NFIC: variants seen among roughly 807,000 people sequenced by gnomAD.
NFIC encodes the protein nuclear factor 1 C-type.
A neutral mutation model predicts 54.4 loss-of-function variants in NFIC; 12 were observed. The observed-to-expected ratio is 0.22, with a 90% CI of 0.14 to 0.36. NFIC has a LOEUF of 0.36. NFIC is among the 10% of genes least tolerant of loss of function. NFIC has a pLI of 1.00. For missense variants in NFIC, 575 were observed against 718.2 expected (o/e 0.80, Z 2.28); for synonymous variants, 322 against 319.2 (o/e 1.01, Z -0.09).
At chr19:3,417,011 G>A (rs1286130208) in intron 2 of NFIC, among the ~76,000 whole-genome samples, 2 of 151,862 alleles carry the variant, frequency 1.3e-5, no homozygotes, top group Non-Finnish European at 2.9e-5. Flanking sequence ...AGCCTCCGGA[G>A]CAGCTGGGAC....
At chr19:3,400,173 G>C in intron 2 of NFIC, among the ~76,000 whole-genome samples, 1 of 151,824 alleles carries the variant, frequency 6.6e-6, no homozygotes, top group East Asian at 1.9e-4. Flanking sequence ...CAGTGAACAG[G>C]ACAGATAAAA....
At chr19:3,407,743 C>T (rs568223196) in intron 2 of NFIC, among the ~76,000 whole-genome samples, 2 of 152,294 alleles carry the variant, frequency 1.3e-5, no homozygotes, top group African/African-American at 2.4e-5. Flanking sequence ...TGAACTTTCA[C>T]ATATTTGTAG....
intron 2 of NFIC, 116 bp from the exon 3 acceptor site, chr19:3,424,990 G>C: frequency 1.9e-6 from 2 of 1,071,152 alleles, no homozygotes; most frequent in South Asian, 3.0e-5. Flanking sequence ...TGGGGCCACT[G>C]TTTGTCTCCA....
chr19:3,421,675 C>T (rs908810373), intron 2 of NFIC, among the ~76,000 whole-genome samples: 2 of 152,216 alleles, frequency 1.3e-5, no homozygotes, highest in African/African-American at 2.4e-5. Context: ...GCTGGACACA[C>T]GGTGTGTGCA....
At chr19:3,387,359 G>A (rs945789630) in intron 2 of NFIC, among the ~76,000 whole-genome samples, 29 of 152,118 alleles carry the variant, frequency 1.9e-4, no homozygotes, top group African/African-American at 6.3e-4. Context: ...AAAATTAGCC[G>A]GGCGTGGTGG....
rs1263069986 is a variant in NFIC at position 3,370,688 on chromosome 19, C to G, written c.30+4022C>G. Reference sequence around the variant, plus strand: ...CTCCCTCTCTGTTCCTCTTCTTTCTCTCTGTCTGTCTCTTTCTTTCTCCCT... The same window carrying G: ...CTCCCTCTCTGTTCCTCTTCTTTCTGTCTGTCTGTCTCTTTCTTTCTCCCT... On this transcript the variant is annotated intron_variant, in intron 1 of 10. Transcript: ENST00000443272. This position sits in a 1 kb window ranked among gnomAD's most constrained non-coding sequence, Gnocchi z 5.2. Among the ~76,000 whole-genome samples the G allele has an allele frequency of 4.1e-5, 2 of 48,584 alleles. No homozygotes were observed. The highest frequency in any genetic ancestry group is 1.6e-4 in the African/African-American group (2 of 12,264). 31.9% of individuals were successfully genotyped at this position (48,584 alleles called of 152,430 possible). A position where few individuals can be genotyped will look rare whatever the true frequency, so the allele number is the denominator to read the frequency against.
At position 3,458,677 on chromosome 19, in the gene NFIC, C is replaced by T. The variant is rs142085178; in HGVS notation, c.1509+2042C>T. Among the ~76,000 whole-genome samples the T allele has an allele frequency of 3.6e-4, 38 of 104,398 alleles. No homozygotes were observed. Among genetic ancestry groups the T allele is most frequent in the Middle Eastern group, 8.1e-3 (2 of 248 alleles). 68.5% of individuals were successfully genotyped at this position (104,398 alleles called of 152,430 possible). A position where few individuals can be genotyped will look rare whatever the true frequency, so the allele number is the denominator to read the frequency against. ...GCTCAGCATAGGCAATGGTGTGGGTCGGGGGAGGGGGAGCTGGCTGGAATG... is the reference window on the plus strand; with the variant it reads ...GCTCAGCATAGGCAATGGTGTGGGTTGGGGGAGGGGGAGCTGGCTGGAATG... On this transcript the variant is annotated intron_variant, in intron 10 of 10. Transcript: ENST00000443272. The surrounding 1 kb of genome is among the most constrained non-coding windows in gnomAD (Gnocchi z 4.1).
At chr19:3,404,273 T>TC (rs1007068680) in intron 2 of NFIC, among the ~76,000 whole-genome samples, 2 of 150,234 alleles carry the variant, frequency 1.3e-5, no homozygotes, top group East Asian at 2.0e-4. Context: ...TTCAGTCCAC[T>TC]CCCCCCCACC....
Position 3,370,340 on chromosome 19 carries a change from G to A in NFIC, c.30+3674G>A, listed in dbSNP as rs1472087866. ...CTCTACAAGGCTCCACCACTCTCCC[G>A]CTGTATCTCCCTCTGGGTCTCTCTG... On this transcript the variant is annotated intron_variant, in intron 1 of 10. Transcript: ENST00000443272. The surrounding 1 kb of genome is among the most constrained non-coding windows in gnomAD (Gnocchi z 5.2). Among the ~76,000 whole-genome samples the A allele has an allele frequency of 6.6e-6, 1 of 151,998 alleles. No homozygotes were observed. Among genetic ancestry groups the A allele is most frequent in the East Asian group, 1.9e-4 (1 of 5,166 alleles).
chr19:3,364,305 C>T (rs934374954), upstream of NFIC, among the ~76,000 whole-genome samples: 3 of 152,190 alleles, frequency 2.0e-5, no homozygotes, highest in Admixed American at 6.5e-5. Flanking sequence ...GTTGTAACCA[C>T]GGGCAGGTAT....
chr19:3,414,108 C>A (rs2081810348), intron 2 of NFIC, among the ~76,000 whole-genome samples: 1 of 152,226 alleles, frequency 6.6e-6, no homozygotes, highest in South Asian at 2.1e-4. Context: ...CTAATGGCAA[C>A]ATAGTGCAGC....
chr19:3,372,877 C>T (rs551082453), intron 1 of NFIC, among the ~76,000 whole-genome samples: 2 of 151,946 alleles, frequency 1.3e-5, no homozygotes, highest in East Asian at 3.9e-4. Context: ...CAGAGTCTCG[C>T]TCTGTCGCCC....
At chr19:3,444,505 G>A (rs2082341473) in intron 6 of NFIC, among the ~76,000 whole-genome samples, 1 of 152,212 alleles carries the variant, frequency 6.6e-6, no homozygotes, top group Non-Finnish European at 1.5e-5. Flanking sequence ...GAGGATGCTT[G>A]GAGGCGGGGT....
At chr19:3,420,351 G>C (rs988308326) in intron 2 of NFIC, among the ~76,000 whole-genome samples, 1 of 151,890 alleles carries the variant, frequency 6.6e-6, no homozygotes, top group African/African-American at 2.4e-5. Flanking sequence ...GATCAGCCTG[G>C]CTATCATGGT....
chr19:3,368,913 C>CTGTGTGTGTGTGTGTG lies in NFIC; in HGVS notation c.30+2267_30+2282dup, dbSNP rs59920512. On this transcript the variant is annotated intron_variant, in intron 1 of 10. Transcript: ENST00000443272. ...TCTTTCTCTCTGTCTTGCTCTGACT[C>CTGTGTGTGTGTGTGTG]TGTGTGTGTGTGTGTGTGTGTGTGT... 2.0e-3 allele frequency among the ~76,000 whole-genome samples: 296 copies of CTGTGTGTGTGTGTGTG among 147,058 alleles called. 1 individual carries two copies. The highest frequency in any genetic ancestry group is 6.2e-3 in the African/African-American group (242 of 39,154).
intron 1 of NFIC, among the ~76,000 whole-genome samples, chr19:3,381,457 T>G (rs2081205865): frequency 6.6e-6 from 1 of 150,544 alleles, no homozygotes; most frequent in Admixed American, 6.6e-5. Context: ...GCCTCTCACA[T>G]AGTCCAAGTC....
intron 3 of NFIC, among the ~76,000 whole-genome samples, chr19:3,429,948 C>T (rs1246596098): frequency 6.6e-6 from 1 of 152,156 alleles, no homozygotes; most frequent in African/African-American, 2.4e-5. Flanking sequence ...CGGAGCTTTG[C>T]AGATTTTAAC....
At chr19:3,449,291 G>A in intron 7 of NFIC, 152 bp downstream of exon 7, 1 of 1,251,728 alleles carries the variant, frequency 8.0e-7, no homozygotes, top group Admixed American at 3.0e-5. Context: ...GTAGTGGAGA[G>A]CGCCCAGGGC....
At position 3,464,240 on chromosome 19, in the gene NFIC, C is replaced by G; in HGVS notation, c.*1471C>G. On this transcript the variant is annotated 3_prime_UTR_variant, in exon 11 of 11. Coordinates refer to ENST00000443272, the MANE Select transcript of NFIC (RefSeq NM_001245002.2). ...TGGGCCCCCAGAGGAGAGAGGAGGCCGACGCCAGCGGTCCCCGCTCGGAAC... is the reference window on the plus strand; with the variant it reads ...TGGGCCCCCAGAGGAGAGAGGAGGCGGACGCCAGCGGTCCCCGCTCGGAAC... 1.0e-6 allele frequency: 1 copy of G among 985,402 alleles called. No homozygotes were observed. The highest frequency in any genetic ancestry group is 4.7e-5 in the South Asian group (1 of 21,288). 61.0% of individuals were successfully genotyped at this position (985,402 alleles called of 1,614,324 possible). A position where few individuals can be genotyped will look rare whatever the true frequency, so the allele number is the denominator to read the frequency against.
Sources: gnomAD v4.1 joint callset for allele counts (sites outside exome capture counted in the v4.1 genomes callset) on GRCh38, gnomAD v4.1.1 for gene constraint, Gnocchi (gnomAD v3.1) non-coding constraint, MANE v1.5 for transcripts, NCBI Gene and HGNC (gene_info 2026-07-23, HGNC 2026-07-21) for gene names.